The following NRCAM variants were observed in gnomAD, a reference collection of about 807,000 sequenced individuals.
NRCAM encodes NgCAM-related cell adhesion molecule.
Under a neutral mutation model 156.5 loss-of-function variants are expected in NRCAM, and 83 were observed. The ratio of observed to expected loss-of-function variants is 0.53; its 90% confidence interval spans 0.44 to 0.64. The LOEUF is 0.64. Among genes scored for constraint, NRCAM ranks in the 30% least tolerant of loss-of-function variants. NRCAM has a pLI of 0.00. For missense variants in NRCAM, 1,417 were observed against 1,597.3 expected (o/e 0.89, Z 1.92); for synonymous variants, 538 against 563.9 (o/e 0.95, Z 0.65).
At chr7:108,300,160 C>CTTT (rs10665036) in intron 3 of NRCAM, among the ~76,000 whole-genome samples, 2,834 of 65,830 alleles carry the variant, frequency 0.043, 341 homozygotes, top group Non-Finnish European at 0.054. Context: ...TTTCTGTTGA[C>CTTT]TTTTTTTTTT....
chr7:108,405,873 C>G (rs1318424540), intron 1 of NRCAM, among the ~76,000 whole-genome samples: 1 of 152,002 alleles, frequency 6.6e-6, no homozygotes, highest in Non-Finnish European at 1.5e-5. Context: ...AATCCCAGCA[C>G]TCTGGAAGGC....
At chr7:108,342,867 G>A (rs944300185) in intron 2 of NRCAM, among the ~76,000 whole-genome samples, 1 of 152,228 alleles carries the variant, frequency 6.6e-6, no homozygotes, top group African/African-American at 2.4e-5. Flanking sequence ...AAGGAGACTT[G>A]TGGCTGTCAG....
At chr7:108,390,521 C>A (rs1410834773) in intron 2 of NRCAM, among the ~76,000 whole-genome samples, 3 of 151,994 alleles carry the variant, frequency 2.0e-5, no homozygotes, top group African/African-American at 7.2e-5. Context: ...TTTAAAAAAC[C>A]AGCTCCTGGA....
intron 30 of NRCAM, 76 bp downstream of exon 30, chr7:108,166,845 C>A: frequency 1.4e-6 from 2 of 1,386,872 alleles, no homozygotes; most frequent in Non-Finnish European, 2.0e-6. Flanking sequence ...GCTCCACCAG[C>A]CCCCATCTCC....
At chr7:108,198,123 G>C (rs1398935725) in intron 13 of NRCAM, 24 bp from the exon 14 acceptor site, 1 of 1,571,940 alleles carries the variant, frequency 6.4e-7, no homozygotes. Flanking sequence ...AAAATAGAAA[G>C]TATTTATTCC....
In NRCAM at chr7:108,191,806, T is replaced by C; in HGVS notation, c.1826A>G (p.Asp609Gly). The change falls in exon 18 of 33, where the codon GAT (aspartate) becomes GGT (glycine). Residue 609 changes from aspartate (D) to glycine (G), a missense_variant. Around this residue, in one of 2 missense-constraint regions of NRCAM, gnomAD observed 1,238 missense variants for 1,336.4 expected, o/e 0.93. Transcript: ENST00000379028. ...DHLVVADVSD[D>G]DSGTYTCVAN... ...CACACACGTGTAGGTCCCGCTGTCA[T>C]CGTCACTGACATCAGCTACCACTAG... is the stretch of plus-strand genomic sequence containing the variant. 1 of 1,613,642 alleles carries C rather than the reference T, an allele frequency of 6.2e-7. No homozygotes were observed. The highest frequency in any genetic ancestry group is 8.5e-7 in the Non-Finnish European group (1 of 1,179,902).
intron 1 of NRCAM, among the ~76,000 whole-genome samples, chr7:108,410,936 A>G (rs1019390723): frequency 1.3e-5 from 2 of 152,240 alleles, no homozygotes; most frequent in Admixed American, 1.3e-4. Flanking sequence ...TATCATCCCG[A>G]TAAAACTTGT....
At chr7:108,380,650 C>T (rs1362244158) in intron 2 of NRCAM, among the ~76,000 whole-genome samples, 2 of 152,054 alleles carry the variant, frequency 1.3e-5, no homozygotes, top group East Asian at 3.9e-4. Flanking sequence ...GCTTCTTGCT[C>T]TTGGGGTCTA....
chr7:108,308,533 C>G (rs1332644606), intron 3 of NRCAM, among the ~76,000 whole-genome samples: 3 of 152,180 alleles, frequency 2.0e-5, no homozygotes, highest in African/African-American at 7.2e-5. Flanking sequence ...CACTAGGCTA[C>G]AATGGGAGGA....
chr7:108,300,501 T>C lies in NRCAM; in HGVS notation c.-107+12164A>G, dbSNP rs144362227. Reference sequence around the variant, plus strand: ...AAAGAGAAATGCATCCCTGGGTAAGTTGAGATCCTTCTAGAAAACATTTTG... The same window carrying C: ...AAAGAGAAATGCATCCCTGGGTAAGCTGAGATCCTTCTAGAAAACATTTTG... On this transcript the variant is annotated intron_variant, in intron 3 of 32. Coordinates refer to ENST00000379028, the MANE Select transcript of NRCAM (RefSeq NM_001037132.4). Among the ~76,000 whole-genome samples, 704 of 152,248 alleles carry C rather than the reference T, an allele frequency of 4.6e-3. 6 individuals carry two copies. The highest frequency in any genetic ancestry group is 0.016 in the African/African-American group (668 of 41,538).
intron 3 of NRCAM, among the ~76,000 whole-genome samples, chr7:108,243,439 T>G (rs1245007059): frequency 6.6e-6 from 1 of 152,230 alleles, no homozygotes; most frequent in Non-Finnish European, 1.5e-5. Context: ...GTCAATTCTT[T>G]GACTCAGTAG....
intron 17 of NRCAM, among the ~76,000 whole-genome samples, chr7:108,193,522 G>T (rs2073355255): frequency 6.6e-6 from 1 of 152,162 alleles, no homozygotes; most frequent in African/African-American, 2.4e-5. Context: ...CAGCATGCTT[G>T]GGCTCTTTTA....
rs764222552 is a variant in NRCAM, at chr7:108,226,389, G to C, written c.551-11C>G. 1 of 1,604,058 alleles carries C rather than the reference G, an allele frequency of 6.2e-7. No individual in the cohort carries two copies. Among genetic ancestry groups the C allele is most frequent in the South Asian group, 1.1e-5 (1 of 89,998 alleles). ...GAAGTCTTTGAAAGGCTGGAGAAAG[G>C]CAGAGAGATATCAAGATTATTCCAT... On this transcript the variant is annotated splice_polypyrimidine_tract_variant and intron_variant, in intron 8 of 32. Transcript: ENST00000379028.
At chr7:108,388,017 A>G (rs1399768273) in intron 2 of NRCAM, among the ~76,000 whole-genome samples, 1 of 152,154 alleles carries the variant, frequency 6.6e-6, no homozygotes, top group Admixed American at 6.5e-5. Flanking sequence ...TGCAATAAAC[A>G]TATGTGTGCA....
Position 108,237,721 on chromosome 7 carries a change from A to G in NRCAM, c.124+31T>C. 2.0e-6 allele frequency: 3 copies of G among 1,534,442 alleles called. No individual in the cohort carries two copies. The Admixed American group carries it at 6.1e-5, about 31-fold the overall frequency. The stretch of plus-strand genomic sequence containing the variant: ...AGCAAAGACATGGTCACATTTTCAC[A>G]CTGCCTAGTAATTTATAGAAGGACA... On this transcript the variant is annotated intron_variant, in intron 5 of 32. Coordinates refer to ENST00000379028, the MANE Select transcript of NRCAM (RefSeq NM_001037132.4).
chr7:108,264,428 A>G (rs1347035011), intron 3 of NRCAM, among the ~76,000 whole-genome samples: 1 of 152,258 alleles, frequency 6.6e-6, no homozygotes, highest in Non-Finnish European at 1.5e-5. Context: ...GATACTGCAC[A>G]ACTGGGACTA....
At chr7:108,336,900 A>C (rs997405696) in intron 2 of NRCAM, among the ~76,000 whole-genome samples, 3 of 152,214 alleles carry the variant, frequency 2.0e-5, no homozygotes, top group African/African-American at 7.2e-5. Context: ...AATTCTTAAG[A>C]GTTCTTCCAA....
intron 1 of NRCAM, among the ~76,000 whole-genome samples, chr7:108,429,978 C>A (rs1001654437): frequency 5.9e-5 from 9 of 152,010 alleles, no homozygotes; most frequent in African/African-American, 1.7e-4. Flanking sequence ...GACAAACAGA[C>A]CTAGGGAAAG....
rs143805055 is a variant in NRCAM at position 108,178,039 on chromosome 7, C to T, written c.2925G>A (p.Pro975=). The change falls in exon 26 of 33, where the codon CCG becomes CCA. Residue 975 remains proline, a synonymous_variant. Coordinates refer to ENST00000379028, the MANE Select transcript of NRCAM (RefSeq NM_001037132.4). ...LDSLTLEWDP[P]SHPNGILTEY... is the part of the protein sequence containing the mutation. ...CTGTCAAAATGCCATTCGGGTGGCT[C>T]GGTGGATCCCATTCCAAAGTGAGAG... 418 of 1,613,514 alleles carry T rather than the reference C, an allele frequency of 2.6e-4. 2 individuals carry two copies. In the Middle Eastern group the frequency reaches 3.8e-3, roughly 15 times the overall value.
Sources: allele counts gnomAD v4.1 joint callset (sites outside exome capture counted in the v4.1 genomes callset), GRCh38; gene constraint gnomAD v4.1.1; regional missense constraint gnomAD v4.1.1; transcripts MANE v1.5; gene names NCBI Gene and HGNC (gene_info 2026-07-23, HGNC 2026-07-21).